GALNT1: variants seen among roughly 807,000 people sequenced by gnomAD.
GALNT1 encodes GalNAc transferase 1.
GALNT1 carries 17 observed loss-of-function variants against 65.7 expected under a neutral mutation model. That is an observed-to-expected ratio of 0.26 (90% CI 0.18 to 0.39). GALNT1 has a LOEUF of 0.39. GALNT1 is among the 10% of genes least tolerant of loss of function. The pLI is 1.00. For missense variants in GALNT1, 460 were observed against 672.8 expected (o/e 0.68, Z 3.50); for synonymous variants, 210 against 219.7 (o/e 0.96, Z 0.39).
chr18:35,640,624 A>G lies in GALNT1; in HGVS notation c.-103-13936A>G, dbSNP rs2047148701. ...TTTGAGGAAGACTTAACAGGTCAGG[A>G]GTAGCCAAGACACTCCTCTAAAGAA... On this transcript the variant is annotated intron_variant, in intron 1 of 11. Coordinates refer to ENST00000269195, the MANE Select transcript of GALNT1 (RefSeq NM_020474.4). Among the ~76,000 whole-genome samples, 4 of 152,210 alleles carry G rather than the reference A, an allele frequency of 2.6e-5. 1 individual carries two copies. The South Asian group carries it at 8.3e-4, about 32-fold the overall frequency.
intron 1 of GALNT1, among the ~76,000 whole-genome samples, chr18:35,611,572 C>A (rs937207186): frequency 5.3e-5 from 8 of 152,214 alleles, no homozygotes; most frequent in Non-Finnish European, 1.0e-4. Flanking sequence ...AAATAAAATT[C>A]AATCAAGGTC....
chr18:35,648,663 A>G (rs966312420), intron 1 of GALNT1, among the ~76,000 whole-genome samples: 5 of 152,242 alleles, frequency 3.3e-5, no homozygotes, highest in Non-Finnish European at 7.3e-5. Flanking sequence ...GAGAAAACAT[A>G]AAACAGTTTC....
At chr18:35,657,319 C>T (rs2047405713) in intron 2 of GALNT1, among the ~76,000 whole-genome samples, 1 of 152,132 alleles carries the variant, frequency 6.6e-6, no homozygotes, top group African/African-American at 2.4e-5. Context: ...TTCTCGAACT[C>T]CTGACCTCAG....
At chr18:35,587,377 T>C (rs1490967708) in intron 1 of GALNT1, among the ~76,000 whole-genome samples, 2 of 152,230 alleles carry the variant, frequency 1.3e-5, no homozygotes, top group Non-Finnish European at 2.9e-5. Context: ...GGCTGAAATA[T>C]CAGCACTATG....
intron 9 of GALNT1, 191 bp from the exon 10 acceptor site, chr18:35,702,706 A>G: frequency 2.6e-6 from 1 of 381,882 alleles, no homozygotes; most frequent in Non-Finnish European, 4.7e-6. Flanking sequence ...AAACACAGAA[A>G]ATTACATAAA....
chr18:35,600,320 G>A (rs923900140), intron 1 of GALNT1, among the ~76,000 whole-genome samples: 7 of 151,288 alleles, frequency 4.6e-5, no homozygotes, highest in African/African-American at 7.3e-5. Flanking sequence ...TTTCTTTTTC[G>A]TTTTGTTTGA....
chr18:35,638,783 T>C (rs1277886178), intron 1 of GALNT1, among the ~76,000 whole-genome samples: 1 of 152,192 alleles, frequency 6.6e-6, no homozygotes, highest in Non-Finnish European at 1.5e-5. Flanking sequence ...TTCACCATTC[T>C]AGATGCCATT....
intron 9 of GALNT1, among the ~76,000 whole-genome samples, chr18:35,693,113 G>A (rs1195097235): frequency 6.6e-6 from 1 of 152,182 alleles, no homozygotes; most frequent in African/African-American, 2.4e-5. Context: ...TGACAAGTGA[G>A]CGTGGGTAGT....
chr18:35,692,084 C>A, intron 8 of GALNT1, 97 bp from the exon 9 acceptor site: 1 of 1,052,660 alleles, frequency 9.5e-7, no homozygotes, highest in Non-Finnish European at 1.4e-6. Context: ...CAGCTGATAC[C>A]ACTGTTCTGA....
chr18:35,630,136 C>T (rs983050408), intron 1 of GALNT1, among the ~76,000 whole-genome samples: 1 of 152,154 alleles, frequency 6.6e-6, no homozygotes, highest in Non-Finnish European at 1.5e-5. Flanking sequence ...CAACATTAGA[C>T]AGATCAATGA....
intron 1 of GALNT1, among the ~76,000 whole-genome samples, chr18:35,604,611 A>G (rs1199144849): frequency 1.3e-5 from 2 of 152,122 alleles, no homozygotes; most frequent in Non-Finnish European, 2.9e-5. Flanking sequence ...AGTCATTCTG[A>G]CTGGTGTGAG....
chr18:35,694,709 A>G (rs948775231), intron 9 of GALNT1, among the ~76,000 whole-genome samples: 3 of 152,220 alleles, frequency 2.0e-5, no homozygotes, highest in Admixed American at 6.5e-5. Context: ...CCAGCTAGCA[A>G]TGCTTAGGCA....
At chr18:35,610,821 A>C (rs1367256227) in intron 1 of GALNT1, among the ~76,000 whole-genome samples, 1 of 152,216 alleles carries the variant, frequency 6.6e-6, no homozygotes, top group African/African-American at 2.4e-5. Flanking sequence ...GAAGTGTGGC[A>C]TTATCTGACA....
chr18:35,617,894 T>A (rs1357256164), intron 1 of GALNT1, among the ~76,000 whole-genome samples: 1 of 152,158 alleles, frequency 6.6e-6, no homozygotes, highest in African/African-American at 2.4e-5. Context: ...ATAAAAACAA[T>A]ACCTATTTTA....
At chr18:35,633,874 G>T (rs894928532) in intron 1 of GALNT1, among the ~76,000 whole-genome samples, 2 of 152,138 alleles carry the variant, frequency 1.3e-5, no homozygotes, top group South Asian at 4.1e-4. Context: ...ATAAGGACCA[G>T]TTTCAGAAAT....
chr18:35,623,165 G>A (rs989786371), intron 1 of GALNT1, among the ~76,000 whole-genome samples: 1 of 152,062 alleles, frequency 6.6e-6, no homozygotes, highest in African/African-American at 2.4e-5. Flanking sequence ...CATTCCTTCT[G>A]ACAGATCTGA....
intron 1 of GALNT1, among the ~76,000 whole-genome samples, chr18:35,598,392 A>T (rs1034265128): frequency 6.6e-6 from 1 of 151,246 alleles, no homozygotes; most frequent in Non-Finnish European, 1.5e-5. Flanking sequence ...TCTCCTCCCT[A>T]CCCTTCCCAG....
At chr18:35,674,267 AT>A (rs1355852624) in intron 3 of GALNT1, among the ~76,000 whole-genome samples, 18 of 152,306 alleles carry the variant, frequency 1.2e-4, no homozygotes, top group Admixed American at 6.5e-5. Context: ...TATTTTGCAG[AT>A]TAAGTAATTA....
At chr18:35,631,147 C>T (rs2047002549) in intron 1 of GALNT1, among the ~76,000 whole-genome samples, 1 of 152,184 alleles carries the variant, frequency 6.6e-6, no homozygotes, top group Non-Finnish European at 1.5e-5. Context: ...GGTACCATTC[C>T]TTATGAAACT....
Sources: gnomAD v4.1 joint callset for allele counts (sites outside exome capture counted in the v4.1 genomes callset) on GRCh38, gnomAD v4.1.1 for gene constraint, MANE v1.5 for transcripts, NCBI Gene and HGNC (gene_info 2026-07-23, HGNC 2026-07-21) for gene names.